FPR3: variants seen among roughly 807,000 people sequenced by gnomAD.
FPR3 encodes the protein N-formyl peptide receptor 3.
For synonymous variants in FPR3, 135 were observed against 163.6 expected, an observed-to-expected ratio of 0.83 and a Z score of 1.34; for missense variants, 346 against 443.2, an observed-to-expected ratio of 0.78 and a Z score of 1.97.
At chr19:51,820,442 A>C (rs1213626052) in intron 1 of FPR3, among the ~76,000 whole-genome samples, 2 of 152,206 alleles carry the variant, frequency 1.3e-5, no homozygotes, top group African/African-American at 2.4e-5. Context: ...ACCAAATAGC[A>C]GCCCTCATAA....
intron 1 of FPR3, among the ~76,000 whole-genome samples, chr19:51,818,382 G>T (rs542274296): frequency 6.6e-6 from 1 of 152,268 alleles, no homozygotes; most frequent in East Asian, 1.9e-4. Flanking sequence ...CACGGCCCGT[G>T]TTTACAGACC....
intron 1 of FPR3, among the ~76,000 whole-genome samples, chr19:51,797,877 C>CTGTT (rs2084008807): frequency 1.4e-5 from 1 of 71,518 alleles, no homozygotes; most frequent in Non-Finnish European, 2.4e-5. Flanking sequence ...CATGTCTATT[C>CTGTT]TTTTTTTTTT....
chr19:51,806,210 C>T (rs2084057671), intron 1 of FPR3, among the ~76,000 whole-genome samples: 2 of 152,182 alleles, frequency 1.3e-5, no homozygotes, highest in African/African-American at 4.8e-5. Flanking sequence ...ACCGGAGGGA[C>T]TGGGCCCATG....
At chr19:51,797,730 A>G (rs1017957982) in intron 1 of FPR3, among the ~76,000 whole-genome samples, 1 of 152,112 alleles carries the variant, frequency 6.6e-6, no homozygotes, top group Non-Finnish European at 1.5e-5. Flanking sequence ...TACTATTGCT[A>G]TAAGCATCGT....
chr19:51,824,155 A>T lies in FPR3; in HGVS notation c.407A>T (p.His136Leu). 1 of 1,614,104 alleles carries T rather than the reference A, an allele frequency of 6.2e-7. No individual in the cohort carries two copies. Among genetic ancestry groups the T allele is most frequent in the Non-Finnish European group, 8.5e-7 (1 of 1,179,992 alleles). ...CVLHPAWAQN[H>L]RTMSLAKRVM... ...CTGCATCCAGCCTGGGCCCAGAACC[A>T]TCGCACCATGAGTCTGGCCAAGAGG... is the stretch of plus-strand genomic sequence containing the variant. The change falls in exon 2 of 2, where the codon CAT becomes CTT. Residue 136 changes from histidine to leucine, a missense_variant. By Grantham distance (99) the His-to-Leu change is moderately conservative. Coordinates refer to ENST00000339223, the MANE Select transcript of FPR3 (RefSeq NM_002030.5). The surrounding 1 kb of genome is among the most constrained non-coding windows in gnomAD (Gnocchi z 4.7).
chr19:51,798,250 G>A (rs2084011141), intron 1 of FPR3, among the ~76,000 whole-genome samples: 1 of 152,072 alleles, frequency 6.6e-6, no homozygotes, highest in Admixed American at 6.6e-5. Context: ...TGCCTCCCAG[G>A]GGATCTTTGA....
chr19:51,811,092 TCAGC>T (rs144132667), intron 1 of FPR3, among the ~76,000 whole-genome samples: 17,401 of 152,142 alleles, frequency 0.11, 1,120 homozygotes, highest in East Asian at 0.21. Flanking sequence ...ATTTTTAGAT[TCAGC>T]CTGTTGTCCC....
Position 51,824,923 on chromosome 19 carries a change from AT to A in FPR3, c.*114del, listed in dbSNP as rs779881926. The A allele has an allele frequency of 1.2e-6, 1 of 837,954 alleles. No homozygotes were observed. Among genetic ancestry groups the A allele is most frequent in the Non-Finnish European group, 1.9e-6 (1 of 538,166 alleles). 51.9% of individuals were successfully genotyped at this position (837,954 alleles called of 1,614,324 possible). On this transcript the variant is annotated 3_prime_UTR_variant, in exon 2 of 2. Coordinates refer to ENST00000339223, the MANE Select transcript of FPR3 (RefSeq NM_002030.5). The surrounding 1 kb of genome is among the most constrained non-coding windows in gnomAD (Gnocchi z 4.7). ...TACCACCACCACCACAATCATCAAC[AT>A]AAAGGAAGTCTGTACCAAATCTGTA...
intron 1 of FPR3, among the ~76,000 whole-genome samples, chr19:51,818,404 C>T (rs560912373): frequency 4.5e-4 from 68 of 152,216 alleles, no homozygotes; most frequent in African/African-American, 1.6e-3. Flanking sequence ...CATTGTGTTT[C>T]CATTGGACAG....
intron 1 of FPR3, among the ~76,000 whole-genome samples, chr19:51,821,558 G>T (rs1447420038): frequency 6.6e-6 from 1 of 152,096 alleles, no homozygotes; most frequent in Non-Finnish European, 1.5e-5. Flanking sequence ...TCCCATGAAA[G>T]ACCTCAGTGA....
intron 1 of FPR3, among the ~76,000 whole-genome samples, chr19:51,799,674 C>T (rs949989849): frequency 1.1e-4 from 16 of 152,196 alleles, no homozygotes; most frequent in Admixed American, 9.2e-4. Context: ...TGACCGTGGA[C>T]GGCTCTTTGA....
intron 1 of FPR3, among the ~76,000 whole-genome samples, chr19:51,821,639 G>A (rs1323171930): frequency 6.6e-6 from 1 of 152,154 alleles, no homozygotes; most frequent in Non-Finnish European, 1.5e-5. Context: ...CATGATACTA[G>A]GGTATGACCA....
chr19:51,802,296 G>A (rs2084030391), intron 1 of FPR3, among the ~76,000 whole-genome samples: 1 of 152,074 alleles, frequency 6.6e-6, no homozygotes, highest in Non-Finnish European at 1.5e-5. Flanking sequence ...CCAGACCAGT[G>A]ACAGAGCTAC....
chr19:51,821,396 A>AG (rs1434590291), intron 1 of FPR3, among the ~76,000 whole-genome samples: 16 of 152,154 alleles, frequency 1.1e-4, no homozygotes. Context: ...TCACTCCTGA[A>AG]GGGGGAGTTG....
chr19:51,815,419 G>T (rs931955212), intron 1 of FPR3, among the ~76,000 whole-genome samples: 3 of 152,084 alleles, frequency 2.0e-5, no homozygotes, highest in Non-Finnish European at 4.4e-5. Flanking sequence ...AATTAGCCAG[G>T]CATGGTGATG....
intron 1 of FPR3, among the ~76,000 whole-genome samples, chr19:51,799,789 G>A (rs548201179): frequency 3.3e-5 from 5 of 152,366 alleles, no homozygotes; most frequent in Admixed American, 6.5e-5. Context: ...CCCTGACAGG[G>A]GGCCACTACT....
chr19:51,823,989 C>T lies in FPR3; in HGVS notation c.241C>T (p.Arg81Ter), dbSNP rs146700831. The T allele has an allele frequency of 3.1e-6, 5 of 1,613,934 alleles. No homozygotes were observed. The highest frequency in any genetic ancestry group is 2.2e-5 in the East Asian group (1 of 44,880). Residue 81 changes from arginine (R) to a stop codon, truncating the protein, a stop_gained, in exon 2 of 2, where the codon CGA becomes TGA. Coordinates refer to ENST00000339223, the MANE Select transcript of FPR3 (RefSeq NM_002030.5). LOFTEE classifies it low-confidence loss of function (END_TRUNC). ...CTCTTTCAGTGCCATCCTACCATTCCGAATGGTCTCAGTCGCCATGAGAGA... is the reference window on the plus strand; with the variant it reads ...CTCTTTCAGTGCCATCCTACCATTCTGAATGGTCTCAGTCGCCATGAGAGA... Reference protein sequence around the residue: ...DFSFSAILPFRMVSVAMREKW... With the variant: ...DFSFSAILPF
chr19:51,796,085 G>T (rs779755739), intron 1 of FPR3, among the ~76,000 whole-genome samples: 5 of 152,228 alleles, frequency 3.3e-5, no homozygotes, highest in Non-Finnish European at 4.4e-5. Flanking sequence ...TATCTGGTGA[G>T]ATAGGCTGTA....
intron 1 of FPR3, 53 bp downstream of exon 1, chr19:51,795,384 A>AC (rs1415818010): frequency 6.6e-6 from 1 of 152,064 alleles, no homozygotes; most frequent in Admixed American, 6.5e-5. Flanking sequence ...CTGCTATATG[A>AC]CAGAGCCCTT....
Sources: allele counts gnomAD v4.1 joint callset (sites outside exome capture counted in the v4.1 genomes callset), GRCh38; gene constraint gnomAD v4.1.1; non-coding constraint Gnocchi (gnomAD v3.1); transcripts MANE v1.5; gene names NCBI Gene and HGNC (gene_info 2026-07-23, HGNC 2026-07-21).